The following PRDM2 variants were observed in gnomAD, a reference collection of about 807,000 sequenced individuals.
PRDM2 encodes PR domain zinc finger protein 2.
PRDM2 carries 30 observed loss-of-function variants against 130.0 expected under a neutral mutation model. The ratio of observed to expected loss-of-function variants is 0.23; its 90% CI spans 0.17 to 0.31. The LOEUF (loss-of-function observed/expected upper bound fraction) is 0.31. Among genes scored for constraint, PRDM2 ranks in the 10% least tolerant of loss-of-function variants. The pLI is 1.00. For synonymous variants in PRDM2, 871 were observed against 782.4 expected (o/e 1.11, Z -1.89); for missense variants, 2,011 against 2,108.4 (o/e 0.95, Z 0.90).
intron 5 of PRDM2, among the ~76,000 whole-genome samples, 157 bp from the exon 6 acceptor site, chr1:13,749,204 C>G (rs915428569): frequency 1.9e-4 from 29 of 151,118 alleles, no homozygotes; most frequent in Non-Finnish European, 3.8e-4. Flanking sequence ...GCGGCCCGCA[C>G]GGGGCCGGGA....
chr1:13,749,074 G>A (rs761829063), intron 5 of PRDM2, among the ~76,000 whole-genome samples: 143 of 152,254 alleles, frequency 9.4e-4, no homozygotes, highest in Admixed American at 1.5e-3. Context: ...CCGTCGTGAG[G>A]CTTTAAACAG....
intron 8 of PRDM2, chr1:13,787,806 A>C (rs966332264): frequency 1.0e-6 from 1 of 981,242 alleles, no homozygotes; most frequent in African/African-American, 1.8e-5. Flanking sequence ...ATAAAAGACT[A>C]TTCTAATGAA....
At position 13,779,507 on chromosome 1, in the gene PRDM2, A is replaced by G; in HGVS notation, c.1712A>G (p.Asp571Gly). The change falls in exon 8 of 10, where the codon GAT becomes GGT. Residue 571 changes from aspartate (D) to glycine (G), a missense_variant. This residue lies in a region of PRDM2 where 1,288 missense variants were observed against 1,237.7 expected (regional missense o/e 1.04). Coordinates refer to ENST00000311066, the MANE Select transcript of PRDM2 (RefSeq NM_001393986.1). This position sits in a 1 kb window ranked among gnomAD's most constrained non-coding sequence, Gnocchi z 4.9. ...TCTGAAAACTTAAATTACTATATTG[A>G]TGGTAAAATTCAAACTAATAACAAC... ...NISENLNYYI[D>G]GKIQTNNNTS... The G allele has an allele frequency of 1.2e-6, 2 of 1,614,098 alleles. No homozygotes were observed. Among genetic ancestry groups the G allele is most frequent in the Non-Finnish European group, 1.7e-6 (2 of 1,179,938 alleles).
In PRDM2 at chr1:13,781,016, C is replaced by T. The variant is rs369373236; in HGVS notation, c.3221C>T (p.Ser1074Phe). The T allele has an allele frequency of 3.7e-6, 6 of 1,604,980 alleles. No individual in the cohort carries two copies. The highest frequency in any genetic ancestry group is 1.7e-4 in the Middle Eastern group (1 of 6,044). ...FSSSSSSSSP[S>F]PPPLSAISSV... ...TCTTCATCTTCCTCCTCTTCTCCTT[C>T]TCCACCTCCTCTCTCCGCAATATCA... Residue 1074 changes from serine (S) to phenylalanine (F), a missense_variant, in exon 8 of 10, where the codon TCT becomes TTT. Physicochemically the swap from Ser to Phe is radical, Grantham distance 155. Coordinates refer to ENST00000311066, the MANE Select transcript of PRDM2 (RefSeq NM_001393986.1). The surrounding 1 kb of genome is among the most constrained non-coding windows in gnomAD (Gnocchi z 6.1).
At chr1:13,819,352 A>G (rs1645309647) in intron 9 of PRDM2, among the ~76,000 whole-genome samples, 1 of 152,206 alleles carries the variant, frequency 6.6e-6, no homozygotes, top group African/African-American at 2.4e-5. Context: ...CTTTAAAAAC[A>G]TACAGTTTCC....
intron 6 of PRDM2, among the ~76,000 whole-genome samples, chr1:13,759,363 T>G (rs920326142): frequency 2.3e-4 from 35 of 152,344 alleles, no homozygotes; most frequent in African/African-American, 8.4e-4. Context: ...CAATGCCGTT[T>G]AGAATGGGCA....
At chr1:13,818,070 A>C (rs1436048098) in intron 9 of PRDM2, among the ~76,000 whole-genome samples, 5 of 151,738 alleles carry the variant, frequency 3.3e-5, no homozygotes, top group African/African-American at 9.7e-5. Context: ...ACTGGCCACC[A>C]CCCCCCACAG....
At chr1:13,798,276 C>G (rs1644953660) in intron 8 of PRDM2, among the ~76,000 whole-genome samples, 1 of 152,136 alleles carries the variant, frequency 6.6e-6, no homozygotes, top group African/African-American at 2.4e-5. Flanking sequence ...AACTCATGAC[C>G]CTCTTGGTTT....
chr1:13,817,246 CAAAATCCAAAA>C (rs1009754390), intron 9 of PRDM2, among the ~76,000 whole-genome samples: 20 of 152,168 alleles, frequency 1.3e-4, no homozygotes, highest in Admixed American at 3.3e-4. Flanking sequence ...GCAAATATTC[CAAAATCCAAAA>C]AAAATCCAAA....
chr1:13,781,791 C>T lies in PRDM2; in HGVS notation c.3996C>T (p.Ala1332=). ...THNIPQTFTT[A]IRCTKCGKGV... ...ATATTCCACAGACTTTCACTACCGC[C>T]ATTCGCTGCACAAAGTGTGGAAAAG... The change falls in exon 8 of 10, where the codon GCC becomes GCT. Residue 1332 remains alanine, a synonymous_variant. Transcript: ENST00000311066. The surrounding 1 kb of genome is among the most constrained non-coding windows in gnomAD (Gnocchi z 6.1). The T allele has an allele frequency of 6.2e-7, 1 of 1,614,202 alleles. No homozygotes were observed. The highest frequency in any genetic ancestry group is 8.5e-7 in the Non-Finnish European group (1 of 1,180,048).
At chr1:13,816,397 A>G in intron 8 of PRDM2, 30 bp from the exon 9 acceptor site, 2 of 1,613,202 alleles carry the variant, frequency 1.2e-6, no homozygotes, top group Non-Finnish European at 1.7e-6. Flanking sequence ...GGCTCCTGTG[A>G]CAATGTGTGT....
At position 13,806,798 on chromosome 1, in the gene PRDM2, T is replaced by C. The variant is rs76623142; in HGVS notation, c.5037-9629T>C. On this transcript the variant is annotated intron_variant, in intron 8 of 9. Transcript: ENST00000311066. The surrounding 1 kb of genome is among the most constrained non-coding windows in gnomAD (Gnocchi z 4.1). ...ATATTCCTCTGCCCAGAAGGACAAC[T>C]GACTGACACCTCACTTGAAGGCCTA... is the stretch of plus-strand genomic sequence containing the variant. Among the ~76,000 whole-genome samples, 826 of 152,304 alleles carry C rather than the reference T, an allele frequency of 5.4e-3. 6 individuals are homozygous for C. Among genetic ancestry groups the C allele is most frequent in the African/African-American group, 0.018 (744 of 41,552 alleles).
intron 2 of PRDM2, among the ~76,000 whole-genome samples, chr1:13,723,375 C>T (rs1264715433): frequency 2.0e-5 from 3 of 152,140 alleles, no homozygotes; most frequent in Non-Finnish European, 4.4e-5. Flanking sequence ...TGCTGCGTTC[C>T]CCAGGTAGCG....
intron 1 of PRDM2, among the ~76,000 whole-genome samples, chr1:13,712,794 C>T (rs1642412185): frequency 6.6e-6 from 1 of 152,118 alleles, no homozygotes; most frequent in Non-Finnish European, 1.5e-5. Context: ...AAAATCTATC[C>T]ATCCATCCGT....
At chr1:13,796,747 G>A (rs1644929303) in intron 8 of PRDM2, among the ~76,000 whole-genome samples, 1 of 152,218 alleles carries the variant, frequency 6.6e-6, no homozygotes, top group Admixed American at 6.5e-5. Flanking sequence ...GTGAGACCCT[G>A]TCTCCAAGAA....
chr1:13,711,487 G>C (rs1277689802), intron 1 of PRDM2, among the ~76,000 whole-genome samples: 1 of 152,190 alleles, frequency 6.6e-6, no homozygotes, highest in Non-Finnish European at 1.5e-5. Context: ...AAAATGATTG[G>C]AGGCACTGCC....
intron 4 of PRDM2, among the ~76,000 whole-genome samples, chr1:13,734,321 C>T: frequency 6.6e-6 from 1 of 152,274 alleles, no homozygotes; most frequent in Non-Finnish European, 1.5e-5. Context: ...TTAGATGTTT[C>T]CCAAGGGAAA....
chr1:13,738,600 G>A lies in PRDM2; in HGVS notation c.232-3405G>A, dbSNP rs577874821. ...ATTTATTTTTTAAACTTGTATTTTA[G>A]TATCTCTATAAAAGTAACCTATGTT... is the stretch of plus-strand genomic sequence containing the variant. On this transcript the variant is annotated intron_variant, in intron 4 of 9. Transcript: ENST00000311066. 3 of 152,288 alleles carry A rather than the reference G, an allele frequency of 2.0e-5. No homozygotes were observed. The East Asian group carries it at 5.8e-4, about 29-fold the overall frequency. The allele number at this position is 152,288 out of a possible 1,614,324, so 9.4% of individuals were successfully genotyped here.
At chr1:13,793,910 C>G (rs913953619) in intron 8 of PRDM2, among the ~76,000 whole-genome samples, 1 of 152,146 alleles carries the variant, frequency 6.6e-6, no homozygotes, top group Non-Finnish European at 1.5e-5. Context: ...GGCTGCAGGT[C>G]GGACAAGCTT....
Sources: allele counts gnomAD v4.1 joint callset (sites outside exome capture counted in the v4.1 genomes callset), GRCh38; gene constraint gnomAD v4.1.1; regional missense constraint gnomAD v4.1.1; non-coding constraint Gnocchi (gnomAD v3.1); transcripts MANE v1.5; gene names NCBI Gene and HGNC (gene_info 2026-07-23, HGNC 2026-07-21).